Variants in CCDC32 observed in about 807,000 individuals in gnomAD.
The protein encoded by CCDC32 is coiled-coil domain-containing protein 32.
Under a neutral mutation model 20.1 loss-of-function variants are expected in CCDC32, and 9 were observed. That is an observed-to-expected ratio of 0.45 (90% CI 0.27 to 0.78). The LOEUF is 0.78. Among genes scored for constraint, CCDC32 ranks in the 30% least tolerant of loss-of-function variants. The pLI is 0.16. For missense variants in CCDC32, 204 were observed against 215.5 expected (o/e 0.95, Z 0.33); for synonymous variants, 63 against 79.0 (o/e 0.80, Z 1.07).
At chr15:40,534,476 G>A (rs541480761), downstream of CCDC32, 2 of 157,914 alleles carry the variant, frequency 1.3e-5, no homozygotes, top group South Asian at 1.9e-4. Context: ...AATGAGAGCC[G>A]ACTGAAGGGG....
Position 40,553,265 on chromosome 15 carries a change from T to C in CCDC32, c.*706A>G. 1.0e-6 allele frequency: 1 copy of C among 985,464 alleles called. No individual in the cohort carries two copies. The highest frequency in any genetic ancestry group is 1.7e-5 in the African/African-American group (1 of 57,356). 61.0% of individuals were successfully genotyped at this position (985,464 alleles called of 1,614,324 possible). ...ATATTTACAAGTCTAATTTGGAACC[T>C]GGCCCTTTTTAAGTGCAGGAGGAAG... On this transcript the variant is annotated 3_prime_UTR_variant, in exon 4 of 4. Transcript: ENST00000416810.
chr15:40,539,418 A>C (rs1185278006), intron 3 of CCDC32: 1 of 1,376,572 alleles, frequency 7.3e-7, no homozygotes, highest in African/African-American at 1.4e-5. Flanking sequence ...AGAGGCACAC[A>C]CTAACAGAGT....
downstream of CCDC32, among the ~76,000 whole-genome samples, chr15:40,528,466 A>T (rs1894927403): frequency 6.6e-6 from 1 of 152,162 alleles, no homozygotes; most frequent in African/African-American, 2.4e-5. Flanking sequence ...GGAGGAGTGG[A>T]GGAGGGAATG....
downstream of CCDC32, among the ~76,000 whole-genome samples, chr15:40,524,212 C>T (rs1413022896): frequency 4.8e-5 from 6 of 125,930 alleles, no homozygotes; most frequent in African/African-American, 1.9e-4. Context: ...GGCTGGAGTG[C>T]GATGGCGCGA....
intron 2 of CCDC32, chr15:40,557,660 G>A (rs779184829): frequency 1.1e-4 from 29 of 272,762 alleles, no homozygotes; most frequent in Admixed American, 5.4e-4. Context: ...TTGAAATCAC[G>A]TAAGCCCAGC....
At chr15:40,535,490 A>G (rs1889070111), downstream of CCDC32, 1 of 987,840 alleles carries the variant, frequency 1.0e-6, no homozygotes, top group South Asian at 4.7e-5. Flanking sequence ...GTTTTTCCAC[A>G]TATTGAAATT....
downstream of CCDC32, among the ~76,000 whole-genome samples, chr15:40,549,249 T>C (rs1321126750): frequency 6.6e-6 from 1 of 152,168 alleles, no homozygotes; most frequent in African/African-American, 2.4e-5. Context: ...CCTTCACACC[T>C]GGCCTTGTTT....
At chr15:40,525,173 G>A (rs1009377686), downstream of CCDC32, among the ~76,000 whole-genome samples, 5 of 151,912 alleles carry the variant, frequency 3.3e-5, no homozygotes, top group South Asian at 2.1e-4. Context: ...GATTACAGGC[G>A]CCTGCCACTG....
chr15:40,550,708 C>G (rs1204259748), downstream of CCDC32, among the ~76,000 whole-genome samples: 4 of 152,214 alleles, frequency 2.6e-5, no homozygotes, highest in Non-Finnish European at 5.9e-5. Context: ...ATAGCTACAA[C>G]TCACTGGGTT....
chr15:40,534,982 T>A (rs117486512), downstream of CCDC32: 11,538 of 702,770 alleles, frequency 0.016, 132 homozygotes, highest in Middle Eastern at 0.043. Flanking sequence ...GGTCTTGGGT[T>A]TAGTGACTTG....
At chr15:40,539,064 C>A (rs890492483), downstream of CCDC32, 20 of 610,578 alleles carry the variant, frequency 3.3e-5, no homozygotes, top group African/African-American at 3.7e-4. Context: ...CGCCAGCTGT[C>A]CCACTTCTCA....
chr15:40,564,952 G>T, intron 1 of CCDC32, 24 bp downstream of exon 1: 1 of 724,440 alleles, frequency 1.4e-6, no homozygotes, highest in Non-Finnish European at 2.3e-6. Flanking sequence ...AAAACGCTGG[G>T]CACCCCAGCC....
downstream of CCDC32, chr15:40,538,425 A>C (rs1286487362): frequency 6.6e-6 from 1 of 152,174 alleles, no homozygotes; most frequent in Non-Finnish European, 1.5e-5. Context: ...CTCTCCCTCA[A>C]GGGGTCACAG....
At chr15:40,527,120 T>C (rs1894908868), downstream of CCDC32, among the ~76,000 whole-genome samples, 1 of 151,756 alleles carries the variant, frequency 6.6e-6, no homozygotes, top group South Asian at 2.1e-4. Flanking sequence ...TGGGCCGATT[T>C]TTGTATTTTT....
downstream of CCDC32, among the ~76,000 whole-genome samples, chr15:40,524,196 C>T (rs181154977): frequency 0.011 from 1,350 of 121,712 alleles, 20 homozygotes; most frequent in Middle Eastern, 0.079. Flanking sequence ...CTGGCTCTGT[C>T]GCCCAGGCTG....
At chr15:40,564,907 G>T in intron 1 of CCDC32, 69 bp downstream of exon 1, 1 of 1,216,522 alleles carries the variant, frequency 8.2e-7, no homozygotes. Flanking sequence ...AGGCCTCTAT[G>T]TGGTATTCCG....
downstream of CCDC32, among the ~76,000 whole-genome samples, chr15:40,533,372 T>C (rs1888969986): frequency 2.0e-5 from 3 of 152,024 alleles, no homozygotes; most frequent in South Asian, 6.2e-4. Context: ...TATTTTGAGA[T>C]GGAGTTTCCC....
At chr15:40,530,495 C>T (rs1012247886), downstream of CCDC32, among the ~76,000 whole-genome samples, 3 of 144,108 alleles carry the variant, frequency 2.1e-5, no homozygotes, top group Admixed American at 7.1e-5. Context: ...CTCCCTCTCT[C>T]TCTCTCTCTG....
chr15:40,547,366 C>G (rs554224603), intron 3 of CCDC32, among the ~76,000 whole-genome samples: 4 of 152,000 alleles, frequency 2.6e-5, no homozygotes, highest in Non-Finnish European at 5.9e-5. Context: ...TACCCTGGCC[C>G]GGCTTCAGTC....
Sources: allele counts gnomAD v4.1 joint callset (sites outside exome capture counted in the v4.1 genomes callset), GRCh38; gene constraint gnomAD v4.1.1; transcripts MANE v1.5; gene names NCBI Gene and HGNC (gene_info 2026-07-23, HGNC 2026-07-21).